Variants in HIPK1 observed in about 807,000 individuals in gnomAD.
HIPK1 encodes the protein homeodomain-interacting protein kinase 1.
A neutral mutation model predicts 117.1 loss-of-function variants in HIPK1; 28 were observed. The ratio of observed to expected loss-of-function variants is 0.24; its 90% confidence interval spans 0.18 to 0.33. The LOEUF (loss-of-function observed/expected upper bound fraction) is 0.33, where lower values mean the gene tolerates loss of function less well. Among genes scored for constraint, HIPK1 ranks in the 10% least tolerant of loss-of-function variants. The pLI is 1.00. For synonymous variants in HIPK1, 605 were observed against 562.5 expected, an observed-to-expected ratio of 1.08 and a Z score of -1.07; for missense variants, 1,122 against 1,475.1, an observed-to-expected ratio of 0.76 and a Z score of 3.92.
chr1:113,968,715 G>C, intron 13 of HIPK1, 67 bp downstream of exon 13: 2 of 1,348,494 alleles, frequency 1.5e-6, no homozygotes, highest in Non-Finnish European at 2.1e-6. Flanking sequence ...AGTGGGCCCA[G>C]TTTGGCCTGT....
intron 2 of HIPK1, among the ~76,000 whole-genome samples, chr1:113,948,542 C>T (rs1029935838): frequency 2.6e-5 from 4 of 151,532 alleles, no homozygotes; most frequent in Non-Finnish European, 5.9e-5. Context: ...TGTGAACCGC[C>T]GTTTCTGGCC....
At position 113,940,855 on chromosome 1, in the gene HIPK1, A is replaced by G. The variant is rs1670600056; in HGVS notation, c.472A>G (p.Thr158Ala). 6.2e-7 allele frequency: 1 copy of G among 1,614,042 alleles called. No individual in the cohort carries two copies. Among genetic ancestry groups the G allele is most frequent in the Non-Finnish European group, 8.5e-7 (1 of 1,180,040 alleles). Reference sequence around the variant, plus strand: ...CAGGACTGTGGTGGGTGCTGCTGCCACAACCACCACTGTGACCACAAAGAG... The same window carrying G: ...CAGGACTGTGGTGGGTGCTGCTGCCGCAACCACCACTGTGACCACAAAGAG... ...QNRTVVGAAA[T>A]TTTVTTKSSS... The change falls in exon 2 of 16, where the codon ACA (threonine) becomes GCA (alanine). Residue 158 changes from threonine (T) to alanine (A), a missense_variant. Thr to Ala is a moderately conservative substitution (Grantham distance 58). Transcript: ENST00000426820.
intron 7 of HIPK1, 77 bp downstream of exon 7, chr1:113,957,363 C>G: frequency 2.5e-6 from 3 of 1,213,156 alleles, no homozygotes; most frequent in Non-Finnish European, 3.4e-6. Context: ...AGGTAAAGAA[C>G]CAATTTTTGT....
rs1404549818 is a variant in HIPK1 at position 113,929,489 on chromosome 1, A to G, written c.-46A>G. On this transcript the variant is annotated 5_prime_UTR_variant, in exon 1 of 16. The change abolishes an upstream ATG in the 5' untranslated region. Transcript: ENST00000426820. The stretch of plus-strand genomic sequence containing the variant: ...ACCGACTCCTACTGCAATCAGTACT[A>G]TGCGATCGTCCTAGAGAGTCCATTC... 1 of 1,289,360 alleles carries G rather than the reference A, an allele frequency of 7.8e-7. No homozygotes were observed. Among genetic ancestry groups the G allele is most frequent in the East Asian group, 5.5e-5 (1 of 18,072 alleles). 79.9% of individuals were successfully genotyped at this position (1,289,360 alleles called of 1,614,324 possible).
At chr1:113,947,240 A>G (rs1671042832) in intron 2 of HIPK1, among the ~76,000 whole-genome samples, 1 of 152,024 alleles carries the variant, frequency 6.6e-6, no homozygotes, top group Non-Finnish European at 1.5e-5. Flanking sequence ...ATGTGCACAG[A>G]CTCCAAGCAA....
Position 113,953,033 on chromosome 1 carries a change from G to T in HIPK1, c.1200+144G>T, listed in dbSNP as rs188725653. On this transcript the variant is annotated intron_variant, in intron 3 of 15. Coordinates refer to ENST00000426820, the MANE Select transcript of HIPK1 (RefSeq NM_198268.3). ...AATTGCTACTAAAGAACTTTTTAAA[G>T]AATAGTATAATTTTCTCTTCCTGCT... 4.2e-5 allele frequency: 28 copies of T among 669,080 alleles called. No individual in the cohort carries two copies. In the East Asian group the frequency reaches 8.9e-4, roughly 21 times the overall value. The allele number at this position is 669,080 out of a possible 1,614,324, so 41.4% of individuals were successfully genotyped here. A position where few individuals can be genotyped will look rare whatever the true frequency, so the allele number is the denominator to read the frequency against.
At chr1:113,958,022 C>T (rs755621235) in intron 7 of HIPK1, 44 bp from the exon 8 acceptor site, 1 of 1,335,510 alleles carries the variant, frequency 7.5e-7, no homozygotes, top group East Asian at 2.3e-5. Context: ...TATTGTGTGT[C>T]TCTACTTAAT....
rs771090257 is a variant in HIPK1 at position 113,975,231 on chromosome 1, G to C, written c.*1719G>C. 1 of 152,768 alleles carries C rather than the reference G, an allele frequency of 6.5e-6. No homozygotes were observed. The highest frequency in any genetic ancestry group is 2.4e-5 in the African/African-American group (1 of 41,438). The allele number at this position is 152,768 out of a possible 1,614,324, so 9.5% of individuals were successfully genotyped here. Reference sequence around the variant, plus strand: ...CCCCGTGGACCCTAAGTTGTTCACCGGGATTTATCAGAACAGGATTAGTAG... The same window carrying C: ...CCCCGTGGACCCTAAGTTGTTCACCCGGATTTATCAGAACAGGATTAGTAG... On this transcript the variant is annotated 3_prime_UTR_variant, in exon 16 of 16. Coordinates refer to ENST00000426820, the MANE Select transcript of HIPK1 (RefSeq NM_198268.3).
rs1176106106 is a variant in HIPK1, at chr1:113,941,757, A to T, written c.1076+298A>T. Among the ~76,000 whole-genome samples the T allele has an allele frequency of 2.6e-5, 4 of 151,364 alleles. No homozygotes were observed. Among genetic ancestry groups the T allele is most frequent in the Admixed American group, 6.6e-5 (1 of 15,152 alleles). On this transcript the variant is annotated intron_variant, in intron 2 of 15. Coordinates refer to ENST00000426820, the MANE Select transcript of HIPK1 (RefSeq NM_198268.3). The surrounding 1 kb of genome is among the most constrained non-coding windows in gnomAD (Gnocchi z 4.9). ...CTCATTTTCCCATTTTATTTATTTT[A>T]TTTATTTATTTATTTATTTAGAGAC... is the stretch of plus-strand genomic sequence containing the variant.
intron 1 of HIPK1, chr1:113,933,331 T>C (rs1457248970): frequency 6.8e-6 from 2 of 293,404 alleles, no homozygotes; most frequent in African/African-American, 2.3e-5. Flanking sequence ...GCAAGGTCTA[T>C]TGTGGGAACC....
chr1:113,962,997 A>G (rs1285758580), intron 9 of HIPK1, among the ~76,000 whole-genome samples: 1 of 152,228 alleles, frequency 6.6e-6, no homozygotes, highest in Non-Finnish European at 1.5e-5. Flanking sequence ...AAAATTGTAA[A>G]GTATTTAAAT....
Position 113,968,740 on chromosome 1 carries a change from G to C in HIPK1, c.2771+92G>C, listed in dbSNP as rs1672627449. ...GTTTGGCCTGTGAAAGAAAGGACCGGTGGGGCATGGTGGCTCACGCCTGTA... is the reference window on the plus strand; with the variant it reads ...GTTTGGCCTGTGAAAGAAAGGACCGCTGGGGCATGGTGGCTCACGCCTGTA... On this transcript the variant is annotated intron_variant, in intron 13 of 15. Transcript: ENST00000426820. 17 of 968,018 alleles carry C rather than the reference G, an allele frequency of 1.8e-5. 1 individual carries two copies. In the South Asian group the frequency reaches 2.2e-4, roughly 13 times the overall value. The allele number at this position is 968,018 out of a possible 1,614,324, so 60.0% of individuals were successfully genotyped here. A position where few individuals can be genotyped will look rare whatever the true frequency, so the allele number is the denominator to read the frequency against.
chr1:113,932,510 C>A (rs1669966839), intron 1 of HIPK1, among the ~76,000 whole-genome samples: 1 of 151,624 alleles, frequency 6.6e-6, no homozygotes. Flanking sequence ...GCTAGGACTA[C>A]AGGCACTACA....
rs1672430617 is a variant in HIPK1 at position 113,966,127 on chromosome 1, C to A, written c.2239-3C>A. ...GATGTTTTTTATGTGTGTTTCCTTA[C>A]AGCAGGCGTGGCCTGGAGGGACTCA... On this transcript the variant is annotated splice_region_variant and splice_polypyrimidine_tract_variant and intron_variant, in intron 10 of 15. Transcript: ENST00000426820. 1.2e-6 allele frequency: 2 copies of A among 1,612,440 alleles called. No homozygotes were observed. Among genetic ancestry groups the A allele is most frequent in the Non-Finnish European group, 1.7e-6 (2 of 1,179,258 alleles).
At chr1:113,968,676 T>G in intron 13 of HIPK1, 28 bp downstream of exon 13, 24 of 1,584,840 alleles carry the variant, frequency 1.5e-5, no homozygotes, top group South Asian at 4.4e-5. Context: ...TTCCTGGCTC[T>G]ATTGGTTTTA....
At position 113,974,271 on chromosome 1, in the gene HIPK1, C is replaced by T. The variant is rs1489156499; in HGVS notation, c.*759C>T. 1 of 152,682 alleles carries T rather than the reference C, an allele frequency of 6.5e-6. No individual in the cohort carries two copies. The highest frequency in any genetic ancestry group is 1.5e-5 in the Non-Finnish European group (1 of 68,014). The allele number at this position is 152,682 out of a possible 1,614,324, so 9.5% of individuals were successfully genotyped here. The stretch of plus-strand genomic sequence containing the variant: ...GAGAATCCATATCTGCGTGAAAACA[C>T]CAAGTATTCTTTTTAAATGAAGCAC... On this transcript the variant is annotated 3_prime_UTR_variant, in exon 16 of 16. Transcript: ENST00000426820.
rs760501386 is a variant in HIPK1, at chr1:113,941,366, G to A, written c.983G>A (p.Arg328His). Residue 328 changes from arginine to histidine, a missense_variant, in exon 2 of 16, where the codon CGC becomes CAC. Transcript: ENST00000426820. The surrounding 1 kb of genome is among the most constrained non-coding windows in gnomAD (Gnocchi z 4.9). Reference sequence around the variant, plus strand: ...AACATCATGCTGGTTGATCCAGTTCGCCAGCCCTACCGAGTGAAGGTCATT... The same window carrying A: ...AACATCATGCTGGTTGATCCAGTTCACCAGCCCTACCGAGTGAAGGTCATT... The part of the protein sequence containing the change: ...PENIMLVDPV[R>H]QPYRVKVIDF... 8 of 1,614,040 alleles carry A rather than the reference G, an allele frequency of 5.0e-6. No individual in the cohort carries two copies. The highest frequency in any genetic ancestry group is 6.8e-6 in the Non-Finnish European group (8 of 1,180,026).
At chr1:113,955,449 A>G (rs1671651624) in intron 4 of HIPK1, 114 bp from the exon 5 acceptor site, 1 of 667,530 alleles carries the variant, frequency 1.5e-6, no homozygotes, top group Admixed American at 2.6e-5. Context: ...CATGTTTGCC[A>G]TCTATGGTTG....
At chr1:113,963,105 A>G (rs1330140274) in intron 9 of HIPK1, among the ~76,000 whole-genome samples, 1 of 152,214 alleles carries the variant, frequency 6.6e-6, no homozygotes, top group Non-Finnish European at 1.5e-5. Context: ...TGTGAACAGG[A>G]GGAAGAATTC....
Sources: gnomAD v4.1 joint callset for allele counts (sites outside exome capture counted in the v4.1 genomes callset) on GRCh38, gnomAD v4.1.1 for gene constraint, Gnocchi (gnomAD v3.1) non-coding constraint, MANE v1.5 for transcripts, NCBI Gene and HGNC (gene_info 2026-07-23, HGNC 2026-07-21) for gene names.